ATRNL1: variants seen among roughly 807,000 people sequenced by gnomAD.
ATRNL1 encodes attractin-like protein 1.
Under a neutral mutation model 182.7 loss-of-function variants are expected in ATRNL1, and 95 were observed. That is an observed-to-expected ratio of 0.52 (90% CI 0.44 to 0.62). The LOEUF is 0.62. Among genes scored for constraint, ATRNL1 ranks in the 20% least tolerant of loss-of-function variants. The pLI, the probability that ATRNL1 is intolerant of heterozygous loss-of-function variation, is 0.00. For synonymous variants in ATRNL1, 576 were observed against 568.3 expected, an observed-to-expected ratio of 1.01 and a Z score of -0.19; for missense variants, 1,471 against 1,679.5, an observed-to-expected ratio of 0.88 and a Z score of 2.17.
At chr10:115,764,369 T>C (rs1948805125) in intron 27 of ATRNL1, among the ~76,000 whole-genome samples, 1 of 152,140 alleles carries the variant, frequency 6.6e-6, no homozygotes, top group South Asian at 2.1e-4. Context: ...TTACCTTCTG[T>C]GGGTTTGGGC....
chr10:115,880,556 G>A (rs527687648), intron 28 of ATRNL1, among the ~76,000 whole-genome samples: 11 of 152,210 alleles, frequency 7.2e-5, no homozygotes, highest in Middle Eastern at 3.4e-3. Flanking sequence ...CCCAGTGGGC[G>A]GAGGTTGCAG....
intron 15 of ATRNL1, among the ~76,000 whole-genome samples, chr10:115,289,530 T>C (rs2133946920): frequency 6.6e-6 from 1 of 152,328 alleles, no homozygotes; most frequent in South Asian, 2.1e-4. Flanking sequence ...AATTTAGTTC[T>C]TTGATCCATT....
intron 9 of ATRNL1, among the ~76,000 whole-genome samples, chr10:115,226,939 A>G (rs1554898782): frequency 6.6e-6 from 1 of 152,196 alleles, no homozygotes; most frequent in African/African-American, 2.4e-5. Flanking sequence ...AAATGGATCA[A>G]AGATTGAAAT....
At chr10:115,219,897 T>C (rs1235130287) in intron 9 of ATRNL1, among the ~76,000 whole-genome samples, 1 of 152,046 alleles carries the variant, frequency 6.6e-6, no homozygotes, top group Non-Finnish European at 1.5e-5. Context: ...ATTGAGACCC[T>C]GTCTCAAAAA....
intron 25 of ATRNL1, among the ~76,000 whole-genome samples, chr10:115,524,259 T>A (rs1301842078): frequency 6.6e-6 from 1 of 152,212 alleles, no homozygotes; most frequent in African/African-American, 2.4e-5. Context: ...AACATTTGAT[T>A]TGGAGGATCA....
In ATRNL1 at chr10:115,422,052, G is replaced by T. The variant is rs979643201; in HGVS notation, c.3270-4198G>T. Among the ~76,000 whole-genome samples the T allele has an allele frequency of 3.3e-5, 5 of 152,118 alleles. No individual in the cohort carries two copies. The East Asian group carries it at 5.8e-4, about 18-fold the overall frequency. On this transcript the variant is annotated intron_variant, in intron 20 of 28. Coordinates refer to ENST00000355044, the MANE Select transcript of ATRNL1 (RefSeq NM_207303.4). ...CATATACAAAAGTCAACTCAAAATG[G>T]ATTAAAGACTTAAATGTACGACCCA...
intron 27 of ATRNL1, among the ~76,000 whole-genome samples, chr10:115,773,115 A>G (rs1555076876): frequency 3.9e-5 from 6 of 152,326 alleles, no homozygotes; most frequent in Non-Finnish European, 8.8e-5. Flanking sequence ...ATGAAACTGC[A>G]ATAGGGAGCA....
chr10:115,861,287 C>T (rs1443356840), intron 28 of ATRNL1, among the ~76,000 whole-genome samples: 2 of 152,154 alleles, frequency 1.3e-5, no homozygotes, highest in African/African-American at 4.8e-5. Flanking sequence ...GTCTCCGTCC[C>T]ACCCAGGCGA....
At chr10:115,126,806 A>G (rs1844995250) in intron 3 of ATRNL1, among the ~76,000 whole-genome samples, 1 of 152,176 alleles carries the variant, frequency 6.6e-6, no homozygotes, top group South Asian at 2.1e-4. Context: ...TCTTTCACCA[A>G]TTGCATGTTT....
chr10:115,426,151 T>G (rs1554962834), intron 20 of ATRNL1, 99 bp from the exon 21 acceptor site: 2 of 835,788 alleles, frequency 2.4e-6, no homozygotes, highest in East Asian at 5.1e-5. Flanking sequence ...GTTTTAAATA[T>G]GTTTTGATGT....
rs1245930326 is a variant in ATRNL1, at chr10:115,868,126, G to T, written c.4018+20135G>T. Among the ~76,000 whole-genome samples the T allele has an allele frequency of 2.0e-5, 3 of 152,076 alleles. No individual in the cohort carries two copies. In the East Asian group the frequency reaches 5.8e-4, roughly 29 times the overall value. On this transcript the variant is annotated intron_variant, in intron 28 of 28. Transcript: ENST00000355044. The stretch of plus-strand genomic sequence containing the variant: ...TTGAATTGGTTGCTGCCCTTTTCAA[G>T]ACTGTTACCTTGGAAGGTCAAATGT...
chr10:115,680,091 A>T (rs1945999335), intron 26 of ATRNL1, among the ~76,000 whole-genome samples: 1 of 152,112 alleles, frequency 6.6e-6, no homozygotes, highest in Non-Finnish European at 1.5e-5. Context: ...TCTGCCTGCT[A>T]AGTCAATGCC....
At chr10:115,831,724 G>C (rs1950564915) in intron 27 of ATRNL1, among the ~76,000 whole-genome samples, 1 of 150,620 alleles carries the variant, frequency 6.6e-6, no homozygotes, top group Non-Finnish European at 1.5e-5. Context: ...GGTAGTAAAG[G>C]CTGCTCTCAC....
intron 5 of ATRNL1, among the ~76,000 whole-genome samples, chr10:115,148,099 A>G (rs976117040): frequency 1.3e-5 from 2 of 151,938 alleles, no homozygotes; most frequent in African/African-American, 2.4e-5. Flanking sequence ...ATGTCTTTCC[A>G]TTTGTTTGTG....
chr10:115,213,298 G>C (rs1021674521), intron 8 of ATRNL1, among the ~76,000 whole-genome samples: 11 of 152,056 alleles, frequency 7.2e-5, no homozygotes, highest in Non-Finnish European at 1.5e-4. Context: ...ATCTCTCTTT[G>C]CAGTCTTAGG....
rs537816301 is a variant in ATRNL1, at chr10:115,287,363, A to G, written c.2415+966A>G. On this transcript the variant is annotated intron_variant, in intron 15 of 28. Coordinates refer to ENST00000355044, the MANE Select transcript of ATRNL1 (RefSeq NM_207303.4). ...GTTAACTTTGGTTACAATTTTTACT[A>G]TTTCCATTTTAAGGGATACTATTTT... 7.3e-4 allele frequency among the ~76,000 whole-genome samples: 111 copies of G among 152,134 alleles called. No homozygotes were observed. In the South Asian group the frequency reaches 0.021, roughly 28 times the overall value.
At chr10:115,299,029 G>A (rs1198721048) in intron 15 of ATRNL1, among the ~76,000 whole-genome samples, 2 of 151,700 alleles carry the variant, frequency 1.3e-5, no homozygotes, top group Non-Finnish European at 2.9e-5. Flanking sequence ...TTATTTCTAT[G>A]TTGTTAATGT....
chr10:115,221,417 A>C (rs2144447505), intron 9 of ATRNL1, among the ~76,000 whole-genome samples: 1 of 152,304 alleles, frequency 6.6e-6, no homozygotes, highest in South Asian at 2.1e-4. Flanking sequence ...CACTTTGTTG[A>C]GATACTAGGA....
chr10:115,269,000 C>T (rs782789388), intron 13 of ATRNL1, among the ~76,000 whole-genome samples: 1 of 152,152 alleles, frequency 6.6e-6, no homozygotes, highest in East Asian at 1.9e-4. Context: ...CTGCTATTGG[C>T]ATCTAATAGG....
Sources: gnomAD v4.1 joint callset for allele counts (sites outside exome capture counted in the v4.1 genomes callset) on GRCh38, gnomAD v4.1.1 for gene constraint, MANE v1.5 for transcripts, NCBI Gene and HGNC (gene_info 2026-07-23, HGNC 2026-07-21) for gene names.